PLEKHH2: variants seen among roughly 807,000 people sequenced by gnomAD.
The protein encoded by PLEKHH2 is pleckstrin homology, MyTH4 and FERM domain containing H2, also known as pleckstrin homology domain-containing family H member 2.
In PLEKHH2, 129 loss-of-function variants were observed where a neutral mutation model predicts 187.9. The ratio of observed to expected loss-of-function variants is 0.69; its 90% CI spans 0.59 to 0.79. PLEKHH2 has a LOEUF of 0.79. PLEKHH2 is among the 30% of genes least tolerant of loss of function. The pLI is 0.00. For synonymous variants in PLEKHH2, 686 were observed against 605.6 expected (o/e 1.13, Z -1.95); for missense variants, 2,076 against 1,751.2 (o/e 1.19, Z -3.31).
intron 1 of PLEKHH2, among the ~76,000 whole-genome samples, chr2:43,637,957 C>T (rs1703192889): frequency 6.6e-6 from 1 of 152,208 alleles, no homozygotes; most frequent in Non-Finnish European, 1.5e-5. Flanking sequence ...CACTTTTTAC[C>T]CGTCGATATT....
At chr2:43,647,564 T>C (rs1384563911) in intron 2 of PLEKHH2, among the ~76,000 whole-genome samples, 1 of 152,144 alleles carries the variant, frequency 6.6e-6, no homozygotes, top group Non-Finnish European at 1.5e-5. Flanking sequence ...TGTGTGTGTA[T>C]GTATGTATGT....
At chr2:43,676,515 C>A (rs1386232528) in intron 2 of PLEKHH2, among the ~76,000 whole-genome samples, 1 of 152,050 alleles carries the variant, frequency 6.6e-6, no homozygotes, top group South Asian at 2.1e-4. Flanking sequence ...GGGGTCCGGG[C>A]TGCTGCGGGT....
chr2:43,678,445 C>T (rs547948838), intron 2 of PLEKHH2, among the ~76,000 whole-genome samples: 2 of 152,308 alleles, frequency 1.3e-5, no homozygotes, highest in East Asian at 1.9e-4. Context: ...AACGAGGCTC[C>T]GTCTGCAATC....
At chr2:43,721,065 T>G (rs1161723449) in intron 16 of PLEKHH2, among the ~76,000 whole-genome samples, 1 of 152,130 alleles carries the variant, frequency 6.6e-6, no homozygotes, top group East Asian at 1.9e-4. Flanking sequence ...CAGATAAGGT[T>G]GATAGAAGGA....
intron 11 of PLEKHH2, 38 bp downstream of exon 11, chr2:43,707,583 T>G: frequency 6.2e-7 from 1 of 1,602,536 alleles, no homozygotes; most frequent in Non-Finnish European, 8.5e-7. Context: ...CAACTCCAGA[T>G]CATTCTGAAT....
chr2:43,650,655 T>C lies in PLEKHH2; in HGVS notation c.123+5859T>C, dbSNP rs967345577. Among the ~76,000 whole-genome samples the C allele has an allele frequency of 2.6e-5, 4 of 151,962 alleles. No homozygotes were observed. In the South Asian group the frequency reaches 6.2e-4, roughly 24 times the overall value. ...CCTTTCTTCTTTTCTTTTTTCTTTT[T>C]TTTTTTTTAAGTTGAAGTCTCACTC... On this transcript the variant is annotated intron_variant, in intron 2 of 29. Transcript: ENST00000282406.
At position 43,738,322 on chromosome 2, in the gene PLEKHH2, C is replaced by A; in HGVS notation, c.2944-19C>A. 2 of 1,584,440 alleles carry A rather than the reference C, an allele frequency of 1.3e-6. No individual in the cohort carries two copies. Among genetic ancestry groups the A allele is most frequent in the Non-Finnish European group, 1.7e-6 (2 of 1,159,136 alleles). ...TAATCACTCCTCACCTTGAATATAT[C>A]TTTTTTTGTTTAATTCAGACCTGCC... On this transcript the variant is annotated intron_variant, in intron 19 of 29. Coordinates refer to ENST00000282406, the MANE Select transcript of PLEKHH2 (RefSeq NM_172069.4).
At chr2:43,757,594 A>AT (rs1274548733) in intron 26 of PLEKHH2, among the ~76,000 whole-genome samples, 2 of 151,614 alleles carry the variant, frequency 1.3e-5, no homozygotes, top group African/African-American at 4.8e-5. Flanking sequence ...AATTTATTGT[A>AT]TTTTTAGTAG....
rs906805860 is a variant in PLEKHH2, at chr2:43,743,170, T to TA, written c.3399+258dup. ...ATTATGATTCTGATGGACAGAAAAATAAAAAACACTTCGGTTGGGGCTTTT... is the reference window on the plus strand; with the variant it reads ...ATTATGATTCTGATGGACAGAAAAATAAAAAAACACTTCGGTTGGGGCTTTT... On this transcript the variant is annotated intron_variant, in intron 22 of 29. Transcript: ENST00000282406. Among the ~76,000 whole-genome samples, 418 of 152,206 alleles carry TA rather than the reference T, an allele frequency of 2.7e-3. 2 individuals carry two copies. Among genetic ancestry groups the TA allele is most frequent in the African/African-American group, 9.7e-3 (402 of 41,536 alleles).
At chr2:43,671,107 C>A (rs979393277) in intron 2 of PLEKHH2, among the ~76,000 whole-genome samples, 3 of 151,982 alleles carry the variant, frequency 2.0e-5, no homozygotes, top group Non-Finnish European at 2.9e-5. Context: ...CCTCTGCCCC[C>A]CACTGAGTAG....
chr2:43,695,843 T>G (rs1669059056), intron 6 of PLEKHH2, among the ~76,000 whole-genome samples: 2 of 152,168 alleles, frequency 1.3e-5, no homozygotes, highest in Non-Finnish European at 2.9e-5. Context: ...TACCATACAT[T>G]TGTAGCTGCA....
chr2:43,647,595 C>G (rs1373488684), intron 2 of PLEKHH2, among the ~76,000 whole-genome samples: 1 of 152,114 alleles, frequency 6.6e-6, no homozygotes, highest in African/African-American at 2.4e-5. Context: ...ATTTACCTAA[C>G]ATTATGTATT....
chr2:43,766,136 A>G lies in PLEKHH2; in HGVS notation c.*538A>G, dbSNP rs1456828090. The G allele has an allele frequency of 6.5e-6, 1 of 152,844 alleles. No homozygotes were observed. The highest frequency in any genetic ancestry group is 1.5e-5 in the Non-Finnish European group (1 of 68,254). The allele number at this position is 152,844 out of a possible 1,614,324, so 9.5% of individuals were successfully genotyped here. On this transcript the variant is annotated 3_prime_UTR_variant, in exon 30 of 30. Transcript: ENST00000282406. ...TACATTTTCAGAGCAGGTGCAGTAC[A>G]TCTTCCGGCTCTATGAATCATTATG... is the stretch of plus-strand genomic sequence containing the variant.
chr2:43,682,316 CT>C (rs926342616), intron 3 of PLEKHH2, among the ~76,000 whole-genome samples: 14 of 149,930 alleles, frequency 9.3e-5, no homozygotes, highest in South Asian at 2.1e-4. Flanking sequence ...ATAAAATTAA[CT>C]TTTTTTTTTG....
chr2:43,679,324 C>A (rs776238492), intron 3 of PLEKHH2, among the ~76,000 whole-genome samples: 52 of 151,612 alleles, frequency 3.4e-4, no homozygotes, highest in Non-Finnish European at 5.7e-4. Context: ...TATTAGACAA[C>A]CATTAAAATA....
intron 16 of PLEKHH2, among the ~76,000 whole-genome samples, chr2:43,724,837 A>G (rs1210545862): frequency 6.6e-6 from 1 of 152,216 alleles, no homozygotes; most frequent in Admixed American, 6.5e-5. Context: ...GTTTTGGTGA[A>G]TTATGACTAG....
intron 3 of PLEKHH2, among the ~76,000 whole-genome samples, chr2:43,680,022 T>TG (rs11407357): frequency 0.71 from 107,373 of 151,814 alleles, 38,954 homozygotes; most frequent in African/African-American, 0.81. Context: ...TTCTGGGTCT[T>TG]CCAGCATTAA....
intron 2 of PLEKHH2, among the ~76,000 whole-genome samples, chr2:43,669,896 G>T (rs190929931): frequency 6.6e-6 from 1 of 152,014 alleles, no homozygotes; most frequent in Non-Finnish European, 1.5e-5. Flanking sequence ...TAGTATTGAA[G>T]ATAAGTAAGG....
At chr2:43,736,959 G>C (rs1671326331) in intron 19 of PLEKHH2, among the ~76,000 whole-genome samples, 1 of 152,094 alleles carries the variant, frequency 6.6e-6, no homozygotes, top group African/African-American at 2.4e-5. Flanking sequence ...CTGAGGCTGA[G>C]GACAGAAAGA....
Sources: allele counts gnomAD v4.1 joint callset (sites outside exome capture counted in the v4.1 genomes callset), GRCh38; gene constraint gnomAD v4.1.1; transcripts MANE v1.5; gene names NCBI Gene and HGNC (gene_info 2026-07-23, HGNC 2026-07-21).